SRFBP1: variants seen among roughly 807,000 people sequenced by gnomAD.
SRFBP1 encodes the protein serum response factor binding protein 1, also known as serum response factor-binding protein 1.
SRFBP1 carries 47 observed loss-of-function variants against 45.5 expected under a neutral mutation model. That is an observed-to-expected ratio of 1.03 (90% CI 0.82 to 1.32). The LOEUF (loss-of-function observed/expected upper bound fraction) is 1.32, where lower values mean the gene tolerates loss of function less well. SRFBP1 is among the 40% of genes most tolerant of loss of function. The probability of loss-of-function intolerance (pLI) is 0.00; values close to 1 mark genes in which losing one functional copy is unlikely to be tolerated. For missense variants in SRFBP1, 621 were observed against 484.6 expected (o/e 1.28, Z -2.64); for synonymous variants, 203 against 166.3 (o/e 1.22, Z -1.70).
chr5:121,962,391 A>T (rs1751967433), intron 1 of SRFBP1, among the ~76,000 whole-genome samples: 1 of 152,202 alleles, frequency 6.6e-6, no homozygotes, highest in Admixed American at 6.5e-5. Flanking sequence ...ATTAACTGAG[A>T]TACGTAAAGT....
rs201010378 is a variant in SRFBP1, at chr5:121,975,325, G to T, written c.136G>T (p.Asp46Tyr). Reference sequence around the variant, plus strand: ...ATGTATTTTTTGCAGGGGTACTGAAGATGCACTGTTAAAAAACCAAAGACG... The same window carrying T: ...ATGTATTTTTTGCAGGGGTACTGAATATGCACTGTTAAAAAACCAAAGACG... ...GRLKSKKGTE[D>Y]ALLKNQRRAQ... The change falls in exon 3 of 8, where the codon GAT becomes TAT. Residue 46 changes from aspartate to tyrosine, a missense_variant. Physicochemically the swap from Asp to Tyr is radical, Grantham distance 160 (BLOSUM62 -3). Transcript: ENST00000339397. 3 of 1,613,154 alleles carry T rather than the reference G, an allele frequency of 1.9e-6. No homozygotes were observed. Among genetic ancestry groups the T allele is most frequent in the Non-Finnish European group, 1.7e-6 (2 of 1,179,254 alleles).
At chr5:122,036,229 GT>G (rs894268787) in intron 2 of SRFBP1, among the ~76,000 whole-genome samples, 1 of 152,130 alleles carries the variant, frequency 6.6e-6, no homozygotes. Flanking sequence ...TGATCAGCTA[GT>G]TTTATCTAAG....
rs373601068 is a variant in SRFBP1 at position 122,058,018 on chromosome 5, A to G, written n.312-17297A>G. On this transcript the variant is annotated intron_variant and non_coding_transcript_variant, in intron 2 of 2. Transcript: ENST00000504881. ...TCTTAAGAGAAGTTCCTCAAAGTGT[A>G]ATTATTGCCCAAGAGGAATTATTTA... Among the ~76,000 whole-genome samples the G allele has an allele frequency of 4.5e-4, 68 of 152,240 alleles. No homozygotes were observed. The South Asian group carries it at 9.1e-3, about 20-fold the overall frequency.
intron 2 of SRFBP1, among the ~76,000 whole-genome samples, chr5:122,068,799 C>T (rs1442925865): frequency 6.6e-6 from 1 of 151,670 alleles, no homozygotes; most frequent in African/African-American, 2.4e-5. Flanking sequence ...ACAAACAGTA[C>T]AAAAATGAGA....
At chr5:122,054,518 G>C (rs182426052) in intron 2 of SRFBP1, among the ~76,000 whole-genome samples, 1 of 152,296 alleles carries the variant, frequency 6.6e-6, no homozygotes, top group East Asian at 1.9e-4. Context: ...TGAGCTGTTT[G>C]TAGTTTGCCA....
intron 2 of SRFBP1, among the ~76,000 whole-genome samples, chr5:122,038,741 G>A (rs1156722158): frequency 2.0e-5 from 3 of 152,218 alleles, no homozygotes; most frequent in Non-Finnish European, 4.4e-5. Context: ...TGCTACCAAT[G>A]TATGTAATAG....
At chr5:122,060,238 TA>T (rs1375861688) in intron 2 of SRFBP1, among the ~76,000 whole-genome samples, 15 of 152,056 alleles carry the variant, frequency 9.9e-5, no homozygotes, top group Admixed American at 9.8e-4. Context: ...AGAAATCAGG[TA>T]GGTGAGCAGC....
downstream of SRFBP1, among the ~76,000 whole-genome samples, chr5:122,029,223 C>T (rs1189553380): frequency 6.6e-6 from 1 of 152,058 alleles, no homozygotes; most frequent in Non-Finnish European, 1.5e-5. Flanking sequence ...AATTTTATAG[C>T]CCAAAATGTT....
At chr5:122,030,120 G>A (rs532169192), downstream of SRFBP1, among the ~76,000 whole-genome samples, 1 of 152,142 alleles carries the variant, frequency 6.6e-6, no homozygotes, top group East Asian at 1.9e-4. Flanking sequence ...GGTAATAACA[G>A]CTAAAATGGC....
downstream of SRFBP1, chr5:122,076,860 G>A (rs1357049205): frequency 2.5e-6 from 4 of 1,598,410 alleles, no homozygotes; most frequent in South Asian, 3.3e-5. Flanking sequence ...AAGGTAGACC[G>A]GGGAGCGGGG....
chr5:121,992,513 C>A (rs1039199392), intron 3 of SRFBP1, among the ~76,000 whole-genome samples: 8 of 152,028 alleles, frequency 5.3e-5, no homozygotes, highest in Non-Finnish European at 7.4e-5. Flanking sequence ...ATAACTCCAT[C>A]TTAAAAAATT....
At chr5:122,077,046 G>T (rs897715858), downstream of SRFBP1, 2 of 1,604,596 alleles carry the variant, frequency 1.2e-6, no homozygotes, top group African/African-American at 2.7e-5. This position sits in a 1 kb window ranked among gnomAD's most constrained non-coding sequence, Gnocchi z 4.9. Flanking sequence ...ACAACCCGGC[G>T]CCCCCCGCTC....
At chr5:122,019,481 G>A (rs951608614) in intron 5 of SRFBP1, 140 bp downstream of exon 5, 2 of 632,908 alleles carry the variant, frequency 3.2e-6, no homozygotes. Context: ...GAAGGTGTCT[G>A]AAAATACAGA....
chr5:122,042,791 C>G (rs1753792988), intron 2 of SRFBP1, among the ~76,000 whole-genome samples: 1 of 151,982 alleles, frequency 6.6e-6, no homozygotes, highest in African/African-American at 2.4e-5. Flanking sequence ...CACCTGTTTT[C>G]TCGATTTTCC....
intron 4 of SRFBP1, among the ~76,000 whole-genome samples, chr5:122,001,054 CT>C (rs1290725998): frequency 6.6e-6 from 1 of 152,034 alleles, no homozygotes; most frequent in African/African-American, 2.4e-5. Context: ...TTAAAGGTCC[CT>C]TCTCCAAGCT....
At chr5:122,011,372 A>G (rs531356851) in intron 4 of SRFBP1, among the ~76,000 whole-genome samples, 1 of 152,222 alleles carries the variant, frequency 6.6e-6, no homozygotes, top group South Asian at 2.1e-4. Flanking sequence ...TTTCCAGAGA[A>G]TTTTCCATGG....
chr5:122,035,049 G>A (rs1219288015), intron 2 of SRFBP1, among the ~76,000 whole-genome samples: 1 of 147,392 alleles, frequency 6.8e-6, no homozygotes, highest in African/African-American at 2.6e-5. Flanking sequence ...TTTTTTTTTT[G>A]TTGTTGTTGT....
chr5:121,998,164 G>A (rs1029433068), intron 4 of SRFBP1, among the ~76,000 whole-genome samples: 1 of 151,118 alleles, frequency 6.6e-6, no homozygotes, highest in African/African-American at 2.4e-5. Flanking sequence ...CCCATTACTG[G>A]GTATATACCC....
Position 122,022,227 on chromosome 5 carries a change from C to T in SRFBP1, c.1068-143C>T, listed in dbSNP as rs182934695. ...TGATACAGCTACAACCTGGGACTTT[C>T]ATAATTATTTTATTGTTTGCTGGTG... On this transcript the variant is annotated intron_variant, in intron 6 of 7. Transcript: ENST00000339397. The T allele has an allele frequency of 2.3e-3, 1,435 of 636,668 alleles. 17 individuals are homozygous for T. The highest frequency in any genetic ancestry group is 2.5e-3 in the South Asian group (108 of 43,054). 39.4% of individuals were successfully genotyped at this position (636,668 alleles called of 1,614,324 possible).
Sources: allele counts gnomAD v4.1 joint callset (sites outside exome capture counted in the v4.1 genomes callset), GRCh38; gene constraint gnomAD v4.1.1; non-coding constraint Gnocchi (gnomAD v3.1); transcripts MANE v1.5; gene names NCBI Gene and HGNC (gene_info 2026-07-23, HGNC 2026-07-21).